The following MMADHC variants were observed in gnomAD, a reference collection of about 807,000 sequenced individuals.
The protein encoded by MMADHC is metabolism of cobalamin associated D, also known as cobalamin trafficking protein CblD.
A neutral mutation model predicts 36.3 loss-of-function variants in MMADHC; 23 were observed. The observed-to-expected ratio is 0.63, with a 90% CI of 0.46 to 0.90. The LOEUF is 0.90. Ranked by LOEUF, MMADHC falls within the 40% of genes least tolerant of loss-of-function variation. MMADHC has a pLI of 0.00. For synonymous variants in MMADHC, 97 were observed against 116.1 expected, an observed-to-expected ratio of 0.84 and a Z score of 1.06; for missense variants, 330 against 348.0, an observed-to-expected ratio of 0.95 and a Z score of 0.41.
At position 149,587,059 on chromosome 2, in the gene MMADHC, A is replaced by G. The variant is rs1483863340; in HGVS notation, c.9+30T>C. On this transcript the variant is annotated intron_variant, in intron 2 of 7. Transcript: ENST00000303319. Reference sequence around the variant, plus strand: ...CCTAACATTCCCAAACGAGTTTACTATGCTGATTCTTAAGAGATAATTTAC... The same window carrying G: ...CCTAACATTCCCAAACGAGTTTACTGTGCTGATTCTTAAGAGATAATTTAC... 2 of 1,609,970 alleles carry G rather than the reference A, an allele frequency of 1.2e-6. 1 individual carries two copies. Among genetic ancestry groups the G allele is most frequent in the South Asian group, 2.2e-5 (2 of 91,004 alleles).
chr2:149,580,486 CTT>C (rs1349629712), intron 3 of MMADHC, among the ~76,000 whole-genome samples: 3 of 151,998 alleles, frequency 2.0e-5, no homozygotes, highest in Admixed American at 6.6e-5. Context: ...AAAATCCTAA[CTT>C]ATAAAAAATT....
At chr2:149,573,875 C>A (rs200223417) in intron 6 of MMADHC, among the ~76,000 whole-genome samples, 1 of 151,874 alleles carries the variant, frequency 6.6e-6, no homozygotes, top group Non-Finnish European at 1.5e-5. Context: ...CAAATTAAAA[C>A]AAAAAAACCA....
intron 2 of MMADHC, among the ~76,000 whole-genome samples, chr2:149,584,064 G>T (rs374595118): frequency 1.3e-5 from 2 of 152,020 alleles, no homozygotes; most frequent in East Asian, 3.9e-4. Context: ...TACCCAACTT[G>T]CCCAAAGAAA....
At chr2:149,580,974 A>G (rs1314827840) in intron 3 of MMADHC, among the ~76,000 whole-genome samples, 1 of 152,204 alleles carries the variant, frequency 6.6e-6, no homozygotes, top group Non-Finnish European at 1.5e-5. Flanking sequence ...CTCTATCTAG[A>G]CAGCCACTAA....
chr2:149,571,184 T>C lies in MMADHC; in HGVS notation c.610-13A>G. ...CACCATTGATGAACTGCAATGGAAG[T>C]CACAAATAATATGCTTAAGATAGCA... On this transcript the variant is annotated splice_polypyrimidine_tract_variant and intron_variant, in intron 6 of 7. Transcript: ENST00000303319. 2 of 1,553,488 alleles carry C rather than the reference T, an allele frequency of 1.3e-6. No individual in the cohort carries two copies. Among genetic ancestry groups the C allele is most frequent in the Non-Finnish European group, 1.8e-6 (2 of 1,129,602 alleles).
At chr2:149,585,935 G>T (rs1682863344) in intron 2 of MMADHC, among the ~76,000 whole-genome samples, 1 of 152,046 alleles carries the variant, frequency 6.6e-6, no homozygotes, top group Non-Finnish European at 1.5e-5. Context: ...AATAAAACCA[G>T]GTCAAATAAT....
chr2:149,583,846 A>C (rs1682826650), intron 2 of MMADHC, among the ~76,000 whole-genome samples: 1 of 152,258 alleles, frequency 6.6e-6, no homozygotes, highest in Admixed American at 6.5e-5. Flanking sequence ...ACATAAAAAT[A>C]TCTCCCCAAC....
intron 3 of MMADHC, 90 bp from the exon 4 acceptor site, chr2:149,579,738 T>A (rs1340423116): frequency 1.8e-6 from 2 of 1,094,322 alleles, no homozygotes; most frequent in African/African-American, 1.6e-5. Flanking sequence ...ATTATGTATA[T>A]TTTTATCTAA....
chr2:149,570,046 A>G lies in MMADHC; in HGVS notation c.819T>C (p.His273=), dbSNP rs752425275. 6.2e-7 allele frequency: 1 copy of G among 1,613,798 alleles called. No homozygotes were observed. Among genetic ancestry groups the G allele is most frequent in the African/African-American group, 1.3e-5 (1 of 75,040 alleles). Residue 273 remains histidine, a synonymous_variant, in exon 8 of 8, where the codon CAT becomes CAC. Transcript: ENST00000303319. ...TAGTGAAGATACTCCCTACAACTACATGGGTACCCCAGAGACTATGACGAA... is the reference window on the plus strand; with the variant it reads ...TAGTGAAGATACTCCCTACAACTACGTGGGTACCCCAGAGACTATGACGAA... ...KVIRHSLWGT[H]VVVGSIFTNA...
At chr2:149,576,591 A>C in intron 4 of MMADHC, 49 bp from the exon 5 acceptor site, 1 of 1,258,262 alleles carries the variant, frequency 7.9e-7, no homozygotes, top group South Asian at 1.2e-5. Flanking sequence ...TTCAAATAAA[A>C]CGGTATCTTG....
rs778395366 is a variant in MMADHC at position 149,569,976 on chromosome 2, A to G, written c.889T>C (p.Ter297GlnextTer13). The change falls in exon 8 of 8, where the codon TAG becomes CAG. Residue 297 changes from the stop codon to glutamine, a stop_lost. Coordinates refer to ENST00000303319, the MANE Select transcript of MMADHC (RefSeq NM_015702.3). ...CAGCAAATGAATGGATATTTCTGCT[A>G]ATTTCCACTTAATTTCTTCATAATA... ...SHIMKKLSGN[*>Q] 3.8e-5 allele frequency: 62 copies of G among 1,612,358 alleles called. No homozygotes were observed. The highest frequency in any genetic ancestry group is 5.1e-5 in the Non-Finnish European group (60 of 1,178,654).
chr2:149,581,281 C>A (rs1553454358), intron 3 of MMADHC, among the ~76,000 whole-genome samples: 4 of 151,970 alleles, frequency 2.6e-5, no homozygotes, highest in Non-Finnish European at 5.9e-5. Flanking sequence ...ATTTGAATGG[C>A]AAAATCTTTC....
At chr2:149,570,279 T>G (rs1669992235) in intron 7 of MMADHC, 111 bp from the exon 8 acceptor site, 3 of 937,670 alleles carry the variant, frequency 3.2e-6, no homozygotes, top group Non-Finnish European at 5.0e-6. Flanking sequence ...TTTAAAAAAC[T>G]AAATAAGTAA....
chr2:149,579,887 T>C (rs1340703757), intron 3 of MMADHC, among the ~76,000 whole-genome samples: 1 of 152,166 alleles, frequency 6.6e-6, no homozygotes, highest in Non-Finnish European at 1.5e-5. Context: ...CTCTAATCCA[T>C]ACTAAGAAAT....
chr2:149,570,336 A>G (rs1181933814), intron 7 of MMADHC, among the ~76,000 whole-genome samples, 168 bp from the exon 8 acceptor site: 1 of 152,176 alleles, frequency 6.6e-6, no homozygotes, highest in Non-Finnish European at 1.5e-5. Context: ...CTTTCCTCCA[A>G]TTCCTATGCA....
intron 4 of MMADHC, 31 bp downstream of exon 4, chr2:149,579,400 G>C (rs762803151): frequency 6.4e-7 from 1 of 1,569,738 alleles, no homozygotes; most frequent in Non-Finnish European, 8.8e-7. Flanking sequence ...TAATAATCAG[G>C]AAAGCACAAT....
rs1265791253 is a variant in MMADHC at position 149,579,414 on chromosome 2, T to C, written c.372+17A>G. ...TTAATAATCAGGAAAGCACAATAAATGTTACCAACAATTTACCTGAAATTC... is the reference window on the plus strand; with the variant it reads ...TTAATAATCAGGAAAGCACAATAAACGTTACCAACAATTTACCTGAAATTC... On this transcript the variant is annotated intron_variant, in intron 4 of 7. Coordinates refer to ENST00000303319, the MANE Select transcript of MMADHC (RefSeq NM_015702.3). The C allele has an allele frequency of 3.1e-6, 5 of 1,594,850 alleles. No individual in the cohort carries two copies. The highest frequency in any genetic ancestry group is 2.2e-5 in the South Asian group (2 of 90,624).
At position 149,576,546 on chromosome 2, in the gene MMADHC, AG is replaced by A. The variant is rs1224259293; in HGVS notation, c.373-5del. ...GTTCAACAGGTGCATCATTACCCTA[AG>A]GGGAACAAGGATATAAGTCAACAAA... On this transcript the variant is annotated splice_region_variant and splice_polypyrimidine_tract_variant and intron_variant, in intron 4 of 7. Transcript: ENST00000303319. 6.3e-7 allele frequency: 1 copy of A among 1,591,462 alleles called. No individual in the cohort carries two copies. The highest frequency in any genetic ancestry group is 1.7e-5 in the Admixed American group (1 of 59,990).
At chr2:149,582,406 T>C (rs927269864) in intron 2 of MMADHC, 135 bp from the exon 3 acceptor site, 4 of 749,278 alleles carry the variant, frequency 5.3e-6, no homozygotes, top group Non-Finnish European at 9.1e-6. Context: ...GAACACCTAC[T>C]ATATGAAAGC....
Sources: gnomAD v4.1 joint callset for allele counts (sites outside exome capture counted in the v4.1 genomes callset) on GRCh38, gnomAD v4.1.1 for gene constraint, MANE v1.5 for transcripts, NCBI Gene and HGNC (gene_info 2026-07-23, HGNC 2026-07-21) for gene names.